Variants in CEP72 observed in about 807,000 individuals in gnomAD.
CEP72 encodes centrosomal protein of 72 kDa.
A neutral mutation model predicts 65.7 loss-of-function variants in CEP72; 78 were observed. That is an observed-to-expected ratio of 1.19 (90% CI 0.99 to 1.43). The LOEUF is 1.43. Among genes scored for constraint, CEP72 ranks in the 40% most tolerant of loss-of-function variants. CEP72 has a pLI of 0.00. For synonymous variants in CEP72, 358 were observed against 351.7 expected, an observed-to-expected ratio of 1.02 and a Z score of -0.20; for missense variants, 914 against 832.9, an observed-to-expected ratio of 1.10 and a Z score of -1.20.
downstream of CEP72, chr5:659,830 T>TA (rs1250712958): frequency 6.6e-6 from 1 of 152,450 alleles, no homozygotes; most frequent in Non-Finnish European, 1.5e-5. Flanking sequence ...TATCACCTGT[T>TA]ACAGACACGT....
intron 9 of CEP72, 111 bp from the exon 10 acceptor site, chr5:644,188 C>T (rs1738259451): frequency 2.4e-6 from 3 of 1,229,148 alleles, no homozygotes; most frequent in African/African-American, 1.5e-5. Flanking sequence ...CATCGTGACT[C>T]CCAAGTATGC....
At chr5:670,701 C>A (rs1304433868), downstream of CEP72, among the ~76,000 whole-genome samples, 1 of 152,164 alleles carries the variant, frequency 6.6e-6, no homozygotes, top group African/African-American at 2.4e-5. Flanking sequence ...CCAGCAGGAC[C>A]CAGCCTTGGG....
At chr5:641,174 C>T (rs1022650255) in intron 9 of CEP72, 20 of 984,788 alleles carry the variant, frequency 2.0e-5, no homozygotes, top group African/African-American at 1.2e-4. Context: ...CTGTCTCAGC[C>T]GTGGGCTGGG....
intron 8 of CEP72, 144 bp from the exon 9 acceptor site, chr5:640,264 T>G (rs1224981524): frequency 1.8e-6 from 2 of 1,087,406 alleles, no homozygotes; most frequent in Admixed American, 5.5e-5. Context: ...GGTGGTTTTG[T>G]GGCGCCAACA....
At chr5:648,632 GGACTGTGAGGTGT>G (rs1163765693) in intron 11 of CEP72, among the ~76,000 whole-genome samples, 30 of 111,538 alleles carry the variant, frequency 2.7e-4, no homozygotes, top group Non-Finnish European at 4.1e-4. Context: ...TGTGAGGCGT[GGACTGTGAGGTGT>G]GACTGTGAGG....
chr5:656,760 TTTG>T (rs1301459476), downstream of CEP72, among the ~76,000 whole-genome samples: 2 of 152,192 alleles, frequency 1.3e-5, no homozygotes, highest in Non-Finnish European at 2.9e-5. Flanking sequence ...TGTTTTTATT[TTTG>T]TTTTGTTTTT....
chr5:642,307 G>T (rs1561054430), intron 9 of CEP72: 9 of 984,194 alleles, frequency 9.1e-6, no homozygotes, highest in Non-Finnish European at 1.1e-5. Flanking sequence ...AACACACATG[G>T]CCCCTCATCT....
intron 5 of CEP72, among the ~76,000 whole-genome samples, 181 bp from the exon 6 acceptor site, chr5:635,191 C>T (rs2126780845): frequency 6.6e-6 from 1 of 152,334 alleles, no homozygotes; most frequent in East Asian, 1.9e-4. Context: ...CGCCAGTTCC[C>T]AGTTCCAAGC....
At chr5:644,721 AG>A (rs1738300759) in intron 10 of CEP72, among the ~76,000 whole-genome samples, 1 of 152,118 alleles carries the variant, frequency 6.6e-6, no homozygotes, top group African/African-American at 2.4e-5. Context: ...CAGCTGCTGG[AG>A]GGGCCTGGTC....
intron 9 of CEP72, chr5:641,769 C>T (rs193235993): frequency 3.0e-6 from 3 of 984,182 alleles, no homozygotes; most frequent in Non-Finnish European, 3.6e-6. Context: ...CATTTAAGCA[C>T]ACGTGGTCCC....
In CEP72 at chr5:624,395, C is replaced by G; in HGVS notation, c.404-76C>G. 2 of 999,168 alleles carry G rather than the reference C, an allele frequency of 2.0e-6. No homozygotes were observed. Among genetic ancestry groups the G allele is most frequent in the Non-Finnish European group, 3.2e-6 (2 of 628,242 alleles). 61.9% of individuals were successfully genotyped at this position (999,168 alleles called of 1,614,324 possible). A position where few individuals can be genotyped will look rare whatever the true frequency, so the allele number is the denominator to read the frequency against. On this transcript the variant is annotated intron_variant, in intron 3 of 11. Coordinates refer to ENST00000264935, the MANE Select transcript of CEP72 (RefSeq NM_018140.4). The surrounding 1 kb of genome is among the most constrained non-coding windows in gnomAD (Gnocchi z 4.7). The stretch of plus-strand genomic sequence containing the variant: ...CCCCGAGGGGATGGACACCCTGCCC[C>G]GTGTAGATGCCCCAGGGTGGATGCA...
chr5:670,781 G>A (rs537726918), downstream of CEP72, among the ~76,000 whole-genome samples: 29 of 152,312 alleles, frequency 1.9e-4, no homozygotes, highest in Non-Finnish European at 2.8e-4. Flanking sequence ...CTAGAGCAAC[G>A]TTTCCCGGGG....
In CEP72 at chr5:642,453, C is replaced by T. The variant is rs893030323; in HGVS notation, c.1540-1846C>T. On this transcript the variant is annotated intron_variant, in intron 9 of 11. Coordinates refer to ENST00000264935, the MANE Select transcript of CEP72 (RefSeq NM_018140.4). ...GCTGTCTGGAAAGTGAGCTGGGCGC[C>T]GTCACTGATGATGTCTTTTCTGTGG... The T allele has an allele frequency of 2.5e-5, 25 of 985,376 alleles. 1 individual carries two copies. The South Asian group carries it at 6.6e-4, about 26-fold the overall frequency. The allele number at this position is 985,376 out of a possible 1,614,324, so 61.0% of individuals were successfully genotyped here.
chr5:667,560 A>T (rs1431259238), downstream of CEP72, among the ~76,000 whole-genome samples: 1 of 152,116 alleles, frequency 6.6e-6, no homozygotes, highest in Non-Finnish European at 1.5e-5. Context: ...AAATGGATGA[A>T]CTAGACTTCA....
chr5:659,322 T>C (rs72705102), downstream of CEP72, among the ~76,000 whole-genome samples: 19,410 of 152,306 alleles, frequency 0.13, 1,592 homozygotes, highest in Non-Finnish European at 0.19. Context: ...TTTGGAGTTA[T>C]TGACCTATTT....
chr5:664,973 C>T (rs760137654), intron 2 of CEP72: 59 of 1,134,944 alleles, frequency 5.2e-5, no homozygotes, highest in African/African-American at 1.1e-4. Flanking sequence ...TGGGCCTGGC[C>T]GCCCCCCAGC....
At chr5:628,474 A>G (rs1400238430) in intron 4 of CEP72, among the ~76,000 whole-genome samples, 1 of 148,602 alleles carries the variant, frequency 6.7e-6, no homozygotes, top group African/African-American at 2.5e-5. Context: ...CTTCTGGAGA[A>G]CTCAGGTTGC....
chr5:652,141 G>T (rs1315440872), intron 11 of CEP72, among the ~76,000 whole-genome samples: 1 of 152,206 alleles, frequency 6.6e-6, no homozygotes, highest in Non-Finnish European at 1.5e-5. Flanking sequence ...AACCTGGTGG[G>T]CCTGTCTGTG....
chr5:638,936 G>T (rs1277236805), intron 7 of CEP72, among the ~76,000 whole-genome samples, 153 bp from the exon 8 acceptor site: 1 of 152,282 alleles, frequency 6.6e-6, no homozygotes, highest in East Asian at 1.9e-4. Flanking sequence ...AGGCACTGCT[G>T]AGCCGCCCTC....
Sources: allele counts gnomAD v4.1 joint callset (sites outside exome capture counted in the v4.1 genomes callset), GRCh38; gene constraint gnomAD v4.1.1; non-coding constraint Gnocchi (gnomAD v3.1); transcripts MANE v1.5; gene names NCBI Gene and HGNC (gene_info 2026-07-23, HGNC 2026-07-21).